The following SLCO5A1 variants were observed in gnomAD, a reference collection of about 807,000 sequenced individuals.
The protein encoded by SLCO5A1 is solute carrier organic anion transporter family member 5A1.
SLCO5A1 carries 39 observed loss-of-function variants against 65.1 expected under a neutral mutation model. The ratio of observed to expected loss-of-function variants is 0.60; its 90% CI spans 0.46 to 0.78. The LOEUF is 0.78. SLCO5A1 is among the 30% of genes least tolerant of loss of function. The pLI is 0.00. For missense variants in SLCO5A1, 1,029 were observed against 1,069.4 expected (o/e 0.96, Z 0.53); for synonymous variants, 438 against 415.7 (o/e 1.05, Z -0.65).
At chr8:69,817,495 C>T (rs1304885452) in intron 2 of SLCO5A1, among the ~76,000 whole-genome samples, 1 of 152,168 alleles carries the variant, frequency 6.6e-6, no homozygotes, top group African/African-American at 2.4e-5. Flanking sequence ...TATTTTGGAT[C>T]TATACCAGAA....
At chr8:69,705,320 T>C (rs1814922234) in intron 5 of SLCO5A1, 91 bp from the exon 6 acceptor site, 2 of 1,212,542 alleles carry the variant, frequency 1.6e-6, no homozygotes, top group East Asian at 4.8e-5. Flanking sequence ...AGTACTGAGG[T>C]AAAAAATCAA....
Position 69,791,435 on chromosome 8 carries a change from AG to A in SLCO5A1, c.908-29561del, listed in dbSNP as rs202075751. Among the ~76,000 whole-genome samples the A allele has an allele frequency of 7.3e-3, 1,117 of 152,346 alleles. 13 individuals carry two copies. Among genetic ancestry groups the A allele is most frequent in the African/African-American group, 0.026 (1,070 of 41,570 alleles). On this transcript the variant is annotated intron_variant, in intron 2 of 9. Transcript: ENST00000260126. The stretch of plus-strand genomic sequence containing the variant: ...AGTCAGGAGATAAGAGATTTGAGGG[AG>A]GGACACTATATTGTTAAATTACAGT...
intron 2 of SLCO5A1, among the ~76,000 whole-genome samples, chr8:69,786,580 C>A (rs1296000070): frequency 1.3e-5 from 2 of 152,278 alleles, no homozygotes; most frequent in South Asian, 4.1e-4. Flanking sequence ...TTAGTAAGAA[C>A]CCTTAGAAAC....
At chr8:69,809,014 G>T (rs1410009556) in intron 2 of SLCO5A1, among the ~76,000 whole-genome samples, 2 of 152,150 alleles carry the variant, frequency 1.3e-5, no homozygotes, top group Non-Finnish European at 2.9e-5. Context: ...TGAGGCAGGA[G>T]AATCACTTGA....
At chr8:69,757,021 A>G (rs969935982) in intron 3 of SLCO5A1, among the ~76,000 whole-genome samples, 4 of 152,264 alleles carry the variant, frequency 2.6e-5, no homozygotes, top group Non-Finnish European at 4.4e-5. Context: ...CGCTGAATTC[A>G]ATCAGGTAAG....
rs768695012 is a variant in SLCO5A1, at chr8:69,673,205, C to G, written c.2211G>C (p.Val737=). 2.5e-6 allele frequency: 4 copies of G among 1,614,070 alleles called. No individual in the cohort carries two copies. In the Admixed American group the frequency reaches 6.7e-5, roughly 27 times the overall value. The change falls in exon 10 of 10, where the codon GTG becomes GTC. Residue 737 remains valine (V), a synonymous_variant. Coordinates refer to ENST00000260126, the MANE Select transcript of SLCO5A1 (RefSeq NM_030958.3). ...WEYNVTSFRF[V]YFGLAAGLKF... Reference sequence around the variant, plus strand: ...TGAGGCCGGCAGCCAAACCAAAATACACAAAACGAAACGACGTCACGTTGT... The same window carrying G: ...TGAGGCCGGCAGCCAAACCAAAATAGACAAAACGAAACGACGTCACGTTGT...
intron 2 of SLCO5A1, among the ~76,000 whole-genome samples, chr8:69,764,232 T>C (rs1437344342): frequency 6.6e-6 from 1 of 152,212 alleles, no homozygotes; most frequent in African/African-American, 2.4e-5. Flanking sequence ...AGTTCCTCAT[T>C]TCCAATGTCA....
chr8:69,740,369 C>A (rs1337410994), intron 4 of SLCO5A1, among the ~76,000 whole-genome samples: 2 of 152,118 alleles, frequency 1.3e-5, no homozygotes, highest in African/African-American at 2.4e-5. Flanking sequence ...AATCAGTTTT[C>A]TAACTGCCAA....
chr8:69,807,982 C>T (rs981388262), intron 2 of SLCO5A1, among the ~76,000 whole-genome samples: 21 of 152,152 alleles, frequency 1.4e-4, no homozygotes, highest in Non-Finnish European at 2.5e-4. Context: ...GGATTACAGG[C>T]TTGAGCCACC....
chr8:69,759,807 G>C (rs539660452), intron 3 of SLCO5A1, among the ~76,000 whole-genome samples: 2 of 151,996 alleles, frequency 1.3e-5, no homozygotes, highest in African/African-American at 4.8e-5. Context: ...CACCACACTC[G>C]GCTAATTTTT....
intron 6 of SLCO5A1, among the ~76,000 whole-genome samples, chr8:69,686,429 A>G (rs538743541): frequency 6.6e-6 from 1 of 152,198 alleles, no homozygotes; most frequent in Non-Finnish European, 1.5e-5. Context: ...ATGCAACTTC[A>G]GGTTTATAAA....
intron 2 of SLCO5A1, among the ~76,000 whole-genome samples, chr8:69,781,545 G>T (rs550867057): frequency 6.6e-6 from 1 of 152,296 alleles, no homozygotes; most frequent in South Asian, 2.1e-4. Flanking sequence ...GGCATTTGTT[G>T]TCTGTAAGAT....
At chr8:69,683,117 CAGGTA>C (rs1813852918) in intron 6 of SLCO5A1, among the ~76,000 whole-genome samples, 1 of 152,046 alleles carries the variant, frequency 6.6e-6, no homozygotes, top group African/African-American at 2.4e-5. Context: ...GAAGGAAAGG[CAGGTA>C]AGGATATAGG....
chr8:69,814,198 C>T (rs1820317536), intron 2 of SLCO5A1, among the ~76,000 whole-genome samples: 1 of 152,040 alleles, frequency 6.6e-6, no homozygotes, highest in African/African-American at 2.4e-5. Context: ...AATGGGATTA[C>T]ATCAAAATAA....
Position 69,668,495 on chromosome 8 carries a change from A to G in SLCO5A1, c.*4374T>C, listed in dbSNP as rs1230347553. On this transcript the variant is annotated 3_prime_UTR_variant, in exon 10 of 10. Coordinates refer to ENST00000260126, the MANE Select transcript of SLCO5A1 (RefSeq NM_030958.3). Reference sequence around the variant, plus strand: ...AATAGTTATATTCATGTGCTGTGTCATCTCTGATGTTTTAAGTACATACAC... The same window carrying G: ...AATAGTTATATTCATGTGCTGTGTCGTCTCTGATGTTTTAAGTACATACAC... The G allele has an allele frequency of 1.3e-5, 2 of 152,180 alleles. No homozygotes were observed. Among genetic ancestry groups the G allele is most frequent in the Non-Finnish European group, 2.9e-5 (2 of 68,034 alleles). The allele number at this position is 152,180 out of a possible 1,614,324, so 9.4% of individuals were successfully genotyped here. A position where few individuals can be genotyped will look rare whatever the true frequency, so the allele number is the denominator to read the frequency against.
At chr8:69,809,500 T>C (rs766387301) in intron 2 of SLCO5A1, among the ~76,000 whole-genome samples, 1 of 152,180 alleles carries the variant, frequency 6.6e-6, no homozygotes, top group Non-Finnish European at 1.5e-5. Flanking sequence ...GTCATTAGAA[T>C]ATAGTCAAAT....
chr8:69,763,475 C>T (rs1229826067), intron 2 of SLCO5A1, among the ~76,000 whole-genome samples: 3 of 151,572 alleles, frequency 2.0e-5, no homozygotes, highest in Admixed American at 6.6e-5. Context: ...ATCAGCCAGG[C>T]ATGGTGATGC....
At chr8:69,824,163 A>C (rs1820768787) in intron 2 of SLCO5A1, among the ~76,000 whole-genome samples, 2 of 152,104 alleles carry the variant, frequency 1.3e-5, no homozygotes, top group South Asian at 4.2e-4. Context: ...AAATGCCCAC[A>C]AGAGAAAGCA....
chr8:69,751,198 G>C (rs1039289102), intron 4 of SLCO5A1, among the ~76,000 whole-genome samples: 1 of 152,106 alleles, frequency 6.6e-6, no homozygotes, highest in South Asian at 2.1e-4. Flanking sequence ...TAGATAGAAG[G>C]CTGCCCAGTT....
Sources: gnomAD v4.1 joint callset for allele counts (sites outside exome capture counted in the v4.1 genomes callset) on GRCh38, gnomAD v4.1.1 for gene constraint, MANE v1.5 for transcripts, NCBI Gene and HGNC (gene_info 2026-07-23, HGNC 2026-07-21) for gene names.